Variants in COL20A1 observed in about 807,000 individuals in gnomAD.
The protein encoded by COL20A1 is collagen type XX alpha 1 chain.
A neutral mutation model predicts 152.9 loss-of-function variants in COL20A1; 164 were observed. The observed-to-expected ratio is 1.07, with a 90% CI of 0.94 to 1.22. The LOEUF (loss-of-function observed/expected upper bound fraction) is 1.22. Ranked by LOEUF, COL20A1 falls within the 50% of genes most tolerant of loss-of-function variation. The pLI, the probability that COL20A1 is intolerant of heterozygous loss-of-function variation, is 0.00. For missense variants in COL20A1, 1,873 were observed against 1,744.8 expected, an observed-to-expected ratio of 1.07 and a Z score of -1.31; for synonymous variants, 864 against 756.0, an observed-to-expected ratio of 1.14 and a Z score of -2.34.
intron 20 of COL20A1, 50 bp from the exon 21 acceptor site, chr20:63,316,503 T>C: frequency 7.7e-7 from 1 of 1,302,422 alleles, no homozygotes; most frequent in African/African-American, 1.6e-5. Context: ...CTCCCTCCCC[T>C]GCCATCTCTG....
rs541741900 is a variant in COL20A1, at chr20:63,317,875, C to G, written c.2664-1183C>G. Among the ~76,000 whole-genome samples the G allele has an allele frequency of 3.4e-3, 522 of 152,218 alleles. 8 individuals are homozygous for G. The highest frequency in any genetic ancestry group is 0.012 in the African/African-American group (482 of 41,526). On this transcript the variant is annotated intron_variant, in intron 21 of 35. Transcript: ENST00000358894. ...GGTGGTGTAGACGCCCCCCGCCCCC[C>G]TCTCCTCTTCCTCGGTGGCCTCAGG... is the stretch of plus-strand genomic sequence containing the variant.
intron 26 of COL20A1, 147 bp downstream of exon 26, chr20:63,321,246 C>T: frequency 1.7e-6 from 1 of 603,258 alleles, no homozygotes; most frequent in Non-Finnish European, 2.9e-6. Flanking sequence ...GAGCCTCTTC[C>T]CTGCTGTGCC....
In COL20A1 at chr20:63,321,257, C is replaced by T. The variant is rs746963921; in HGVS notation, c.3240+158C>T. ...TCATGAGCCTCTTCCCTGCTGTGCCCGCCCTGGGCCAGGAGACAGAGGCCT... is the reference window on the plus strand; with the variant it reads ...TCATGAGCCTCTTCCCTGCTGTGCCTGCCCTGGGCCAGGAGACAGAGGCCT... On this transcript the variant is annotated intron_variant, in intron 26 of 35. Coordinates refer to ENST00000358894, the MANE Select transcript of COL20A1 (RefSeq NM_020882.4). 7.2e-5 allele frequency among the ~76,000 whole-genome samples: 11 copies of T among 152,118 alleles called. No individual in the cohort carries two copies. The South Asian group carries it at 8.3e-4, about 11-fold the overall frequency.
chr20:63,312,138 T>C (rs925103237), intron 14 of COL20A1, 83 bp downstream of exon 14: 7 of 1,419,534 alleles, frequency 4.9e-6, no homozygotes, highest in African/African-American at 1.4e-5. Context: ...GAGCCAACCA[T>C]CAGATAACAC....
Position 63,311,857 on chromosome 20 carries a change from AC to A in COL20A1, c.1664-56del. 1 of 1,505,340 alleles carries A rather than the reference AC, an allele frequency of 6.6e-7. No individual in the cohort carries two copies. 93.2% of individuals were successfully genotyped at this position (1,505,340 alleles called of 1,614,324 possible). A position where few individuals can be genotyped will look rare whatever the true frequency, so the allele number is the denominator to read the frequency against. On this transcript the variant is annotated intron_variant, in intron 13 of 35. Transcript: ENST00000358894. This position sits in a 1 kb window ranked among gnomAD's most constrained non-coding sequence, Gnocchi z 4.4. ...GCCCCCTCGGTCCCAGCCACTGCCCACCCTTGCCCCTGCCATGGAGGCCGCG... is the reference window on the plus strand; with the variant it reads ...GCCCCCTCGGTCCCAGCCACTGCCCACCTTGCCCCTGCCATGGAGGCCGCG...
intron 25 of COL20A1, among the ~76,000 whole-genome samples, 163 bp from the exon 26 acceptor site, chr20:63,320,850 C>T (rs1439692190): frequency 6.6e-6 from 1 of 152,112 alleles, no homozygotes; most frequent in Non-Finnish European, 1.5e-5. Context: ...GAGTCCTGGA[C>T]CTGCCCACTA....
chr20:63,295,961 G>A (rs2067788711), intron 2 of COL20A1, among the ~76,000 whole-genome samples: 1 of 152,288 alleles, frequency 6.6e-6, no homozygotes, highest in Non-Finnish European at 1.5e-5. Context: ...GTTCCGCTGG[G>A]GTGAAAGGCA....
chr20:63,325,118 GGCT>G (rs2068223867), intron 27 of COL20A1: 2 of 473,858 alleles, frequency 4.2e-6, no homozygotes, highest in African/African-American at 3.9e-5. Flanking sequence ...AGGGTGCTGG[GGCT>G]GCCCCTGCTC....
intron 2 of COL20A1, among the ~76,000 whole-genome samples, chr20:63,297,057 G>T (rs1301252715): frequency 6.6e-6 from 1 of 152,220 alleles, no homozygotes; most frequent in Admixed American, 6.5e-5. Flanking sequence ...ATCGCGGGAG[G>T]CAGCCTCGTC....
chr20:63,298,013 C>T lies in COL20A1; in HGVS notation c.186C>T (p.Pro62=). The part of the protein sequence containing the change: ...SGLGYLVQVK[P]MAGDSEQEVI... ...TCGGCTACCTGGTGCAGGTGAAGCC[C>T]ATGGCAGGTGAGGACCTGCCCCTCC... Residue 62 remains proline (P), a synonymous_variant, in exon 3 of 36, where the codon CCC becomes CCT. Transcript: ENST00000358894. The T allele has an allele frequency of 6.2e-7, 1 of 1,609,108 alleles. No homozygotes were observed. Among genetic ancestry groups the T allele is most frequent in the Non-Finnish European group, 8.5e-7 (1 of 1,177,860 alleles).
At position 63,319,340 on chromosome 20, in the gene COL20A1, G is replaced by A. The variant is rs1429035869; in HGVS notation, c.2806+140G>A. 32 of 1,124,994 alleles carry A rather than the reference G, an allele frequency of 2.8e-5. No individual in the cohort carries two copies. The highest frequency in any genetic ancestry group is 3.9e-5 in the Non-Finnish European group (31 of 796,246). 69.7% of individuals were successfully genotyped at this position (1,124,994 alleles called of 1,614,324 possible). A position where few individuals can be genotyped will look rare whatever the true frequency, so the allele number is the denominator to read the frequency against. On this transcript the variant is annotated intron_variant, in intron 22 of 35. Transcript: ENST00000358894. This position sits in a 1 kb window ranked among gnomAD's most constrained non-coding sequence, Gnocchi z 4.4. Reference sequence around the variant, plus strand: ...CTCTGGGTGGGAGGCAGGTGTCCCGGGCAGGGGGCTGTGGGCCACATTGAG... The same window carrying A: ...CTCTGGGTGGGAGGCAGGTGTCCCGAGCAGGGGGCTGTGGGCCACATTGAG...
At chr20:63,328,703 G>C (rs567144469) in intron 34 of COL20A1, among the ~76,000 whole-genome samples, 2 of 152,122 alleles carry the variant, frequency 1.3e-5, no homozygotes, top group Non-Finnish European at 2.9e-5. Flanking sequence ...GGTCAGCCTC[G>C]GCCTGGCCTT....
At chr20:63,325,558 G>GA in intron 28 of COL20A1, 64 bp downstream of exon 28, 2 of 1,548,858 alleles carry the variant, frequency 1.3e-6, no homozygotes, top group South Asian at 2.2e-5. Flanking sequence ...CAGGGATGGA[G>GA]ATGGGGAGTG....
intron 16 of COL20A1, 46 bp downstream of exon 16, chr20:63,312,980 C>T (rs1257195354): frequency 6.5e-7 from 1 of 1,529,026 alleles, no homozygotes; most frequent in Non-Finnish European, 8.8e-7. Context: ...CCCGTGGGCC[C>T]CTAGTCCTGA....
Position 63,332,215 on chromosome 20 carries a change from G to C in COL20A1, c.*1499G>C, listed in dbSNP as rs1192039005. 1 of 152,342 alleles carries C rather than the reference G, an allele frequency of 6.6e-6. No individual in the cohort carries two copies. Among genetic ancestry groups the C allele is most frequent in the Non-Finnish European group, 1.5e-5 (1 of 68,122 alleles). The allele number at this position is 152,342 out of a possible 1,614,324, so 9.4% of individuals were successfully genotyped here. ...TGTGGCCAAAGTAGGTGCAGGTAAA[G>C]CAGCATCTGGGGCAGAGTTATAGCC... On this transcript the variant is annotated 3_prime_UTR_variant, in exon 36 of 36. Coordinates refer to ENST00000358894, the MANE Select transcript of COL20A1 (RefSeq NM_020882.4).
At chr20:63,301,980 CTTTG>C (rs771100880) in intron 3 of COL20A1, among the ~76,000 whole-genome samples, 1 of 152,152 alleles carries the variant, frequency 6.6e-6, no homozygotes, top group African/African-American at 2.4e-5. Context: ...GCTTTCTTGT[CTTTG>C]TTTGAACTGA....
In COL20A1 at chr20:63,312,817, G is replaced by A; in HGVS notation, c.1959G>A (p.Leu653=). ...TTKKAPSPSQ[L]SMTELPGDAV... is the part of the protein sequence containing the mutation. ...AGAAAGCTCCCAGCCCAAGCCAGCT[G>A]TCCATGACGGAGCTGCCAGGGGATG... The change falls in exon 16 of 36, where the codon CTG becomes CTA. Residue 653 remains leucine, a synonymous_variant. Coordinates refer to ENST00000358894, the MANE Select transcript of COL20A1 (RefSeq NM_020882.4). 1.9e-6 allele frequency: 3 copies of A among 1,562,666 alleles called. No homozygotes were observed. The South Asian group carries it at 3.5e-5, about 18-fold the overall frequency.
chr20:63,297,680 C>T (rs567932758), intron 2 of COL20A1, among the ~76,000 whole-genome samples: 5 of 152,232 alleles, frequency 3.3e-5, no homozygotes, highest in African/African-American at 4.8e-5. Flanking sequence ...CCTGTGACTG[C>T]GGACCCCGGG....
In COL20A1 at chr20:63,297,893, A is replaced by G. The variant is rs775040414; in HGVS notation, c.83-17A>G. 3.1e-6 allele frequency: 5 copies of G among 1,605,174 alleles called. No individual in the cohort carries two copies. Among genetic ancestry groups the G allele is most frequent in the East Asian group, 2.2e-5 (1 of 44,870 alleles). On this transcript the variant is annotated splice_polypyrimidine_tract_variant and intron_variant, in intron 2 of 35. Coordinates refer to ENST00000358894, the MANE Select transcript of COL20A1 (RefSeq NM_020882.4). ...GGAGGCCAGGTCAGTCCTGACCACT[A>G]TGTCCTGTTTCTGTAGCAAGCGGTC... is the stretch of plus-strand genomic sequence containing the variant.
Sources: allele counts gnomAD v4.1 joint callset (sites outside exome capture counted in the v4.1 genomes callset), GRCh38; gene constraint gnomAD v4.1.1; non-coding constraint Gnocchi (gnomAD v3.1); transcripts MANE v1.5; gene names NCBI Gene and HGNC (gene_info 2026-07-23, HGNC 2026-07-21).